CDC42BPA: variants seen among roughly 807,000 people sequenced by gnomAD.
The protein encoded by CDC42BPA is CDC42 binding protein kinase alpha.
In CDC42BPA, 80 loss-of-function variants were observed where a neutral mutation model predicts 223.5. That is an observed-to-expected ratio of 0.36 (90% CI 0.30 to 0.43). The LOEUF (loss-of-function observed/expected upper bound fraction) is 0.43. Ranked by LOEUF, CDC42BPA falls within the 20% of genes least tolerant of loss-of-function variation. The pLI is 1.00. For missense variants in CDC42BPA, 1,743 were observed against 2,099.9 expected (o/e 0.83, Z 3.32); for synonymous variants, 694 against 718.6 (o/e 0.97, Z 0.55).
chr1:226,993,483 A>G lies in CDC42BPA; in HGVS notation c.*785T>C, dbSNP rs1385089501. ...AAACCTGGCTCTGCAAGTGTTTTCT[A>G]CAGCTCCCCAGGTGACTAGAGCCTA... On this transcript the variant is annotated 3_prime_UTR_variant, in exon 37 of 37. Transcript: ENST00000366766. The G allele has an allele frequency of 1.3e-5, 2 of 152,490 alleles. No individual in the cohort carries two copies. The highest frequency in any genetic ancestry group is 2.4e-5 in the African/African-American group (1 of 41,454). 9.4% of individuals were successfully genotyped at this position (152,490 alleles called of 1,614,324 possible).
chr1:227,143,225 TA>T (rs746981192), intron 8 of CDC42BPA, among the ~76,000 whole-genome samples: 6 of 152,228 alleles, frequency 3.9e-5, no homozygotes, highest in Non-Finnish European at 8.8e-5. Flanking sequence ...CTAATTAAAG[TA>T]AAATGAAGAT....
Position 227,227,287 on chromosome 1 carries a change from G to C in CDC42BPA, c.271-14068C>G, listed in dbSNP as rs560727434. ...ATCTAGTAAGGAACGTAAGAAACAA[G>C]TAAAAAGTTTATAAAACTGGCCATC... On this transcript the variant is annotated intron_variant, in intron 2 of 36. Transcript: ENST00000366766. Among the ~76,000 whole-genome samples, 48 of 152,186 alleles carry C rather than the reference G, an allele frequency of 3.2e-4. 1 individual carries two copies. In the East Asian group the frequency reaches 8.7e-3, roughly 27 times the overall value.
chr1:227,047,872 G>T, intron 23 of CDC42BPA, 55 bp downstream of exon 23: 1 of 958,376 alleles, frequency 1.0e-6, no homozygotes, highest in Non-Finnish European at 1.7e-6. Context: ...AATGCATAGA[G>T]CAGATAAAAT....
At chr1:227,220,723 G>A (rs892283870) in intron 2 of CDC42BPA, among the ~76,000 whole-genome samples, 2 of 151,978 alleles carry the variant, frequency 1.3e-5, no homozygotes, top group South Asian at 2.1e-4. Context: ...AGGGCTAACA[G>A]TATCATTTGA....
intron 1 of CDC42BPA, among the ~76,000 whole-genome samples, chr1:227,306,190 T>A (rs1692517558): frequency 6.7e-6 from 1 of 148,204 alleles, no homozygotes; most frequent in African/African-American, 2.5e-5. Context: ...ATGTGTAGAA[T>A]TCACAGTATT....
intron 16 of CDC42BPA, among the ~76,000 whole-genome samples, chr1:227,086,882 A>G (rs1406249237): frequency 6.6e-6 from 1 of 152,066 alleles, no homozygotes; most frequent in African/African-American, 2.4e-5. Context: ...CATATTTCCC[A>G]GATTGGTTTT....
At position 227,199,582 on chromosome 1, in the gene CDC42BPA, T is replaced by C; in HGVS notation, c.425A>G (p.Tyr142Cys). ...TAAGTTATTGTCATCCTGGAAAGCA[T>C]AGTGCAAGGTTGTAATCCATTTATT... ...GDNKWITTLH[Y>C]AFQDDNNLYL... The change falls in exon 4 of 37, where the codon TAT (tyrosine) becomes TGT (cysteine). Residue 142 changes from tyrosine to cysteine, a missense_variant. Transcript: ENST00000366766. 5 of 1,591,482 alleles carry C rather than the reference T, an allele frequency of 3.1e-6. No homozygotes were observed. The highest frequency in any genetic ancestry group is 1.7e-4 in the Middle Eastern group (1 of 6,004).
chr1:227,229,170 G>T (rs1677375275), intron 2 of CDC42BPA, among the ~76,000 whole-genome samples: 4 of 151,962 alleles, frequency 2.6e-5, no homozygotes, highest in Admixed American at 2.6e-4. Context: ...TTATGTCTAT[G>T]ATCTATATTG....
chr1:227,074,453 G>A, intron 17 of CDC42BPA, 89 bp from the exon 18 acceptor site: 1 of 917,542 alleles, frequency 1.1e-6, no homozygotes, highest in East Asian at 2.5e-5. Flanking sequence ...AGAAATAAGT[G>A]GTAGGAAATT....
intron 1 of CDC42BPA, among the ~76,000 whole-genome samples, chr1:227,278,489 G>A (rs1487308322): frequency 6.6e-6 from 1 of 152,170 alleles, no homozygotes; most frequent in Non-Finnish European, 1.5e-5. Flanking sequence ...AGTTAAGGTA[G>A]AACCCCAATG....
chr1:227,180,846 T>C (rs1394301481), intron 5 of CDC42BPA, among the ~76,000 whole-genome samples: 2 of 152,164 alleles, frequency 1.3e-5, no homozygotes, highest in East Asian at 1.9e-4. Flanking sequence ...TTTGAAGTTA[T>C]AGTTCACAAT....
intron 2 of CDC42BPA, among the ~76,000 whole-genome samples, chr1:227,230,823 T>TC: frequency 1.2e-5 from 1 of 81,304 alleles, no homozygotes; most frequent in East Asian, 2.7e-4. Context: ...TTTCTTTCTT[T>TC]TTTTTTTTTT....
intron 21 of CDC42BPA, among the ~76,000 whole-genome samples, chr1:227,057,207 T>C (rs1430991891): frequency 6.6e-6 from 1 of 152,182 alleles, no homozygotes; most frequent in East Asian, 1.9e-4. Context: ...TATTTGGACA[T>C]TAACAATACT....
At chr1:227,133,826 C>T (rs537325902) in intron 10 of CDC42BPA, among the ~76,000 whole-genome samples, 6 of 152,076 alleles carry the variant, frequency 3.9e-5, no homozygotes, top group East Asian at 1.9e-4. Context: ...ACAAACACTG[C>T]GGAAGGCCGC....
chr1:227,139,460 G>T, intron 10 of CDC42BPA, 116 bp downstream of exon 10: 2 of 637,002 alleles, frequency 3.1e-6, no homozygotes, highest in Non-Finnish European at 5.1e-6. Flanking sequence ...TCTACAACTT[G>T]ATTTTTCACC....
Position 227,005,033 on chromosome 1 carries a change from G to A in CDC42BPA, c.4936C>T (p.Pro1646Ser), listed in dbSNP as rs779954841. ...IPSITKSRPEPGRSMSASSGL... is the reference protein window; with the variant it reads ...IPSITKSRPESGRSMSASSGL... ...CTGCTAGCACTCATGGAGCGGCCTG[G>A]CTCAGGGCGGGATTTGGTGATAGAT... The change falls in exon 35 of 37, where the codon CCA (proline) becomes TCA (serine). Residue 1646 changes from proline to serine, a missense_variant. This residue lies in a region of CDC42BPA where 200 missense variants were observed against 192.8 expected (regional missense o/e 1.04). Coordinates refer to ENST00000366766, the MANE Select transcript of CDC42BPA (RefSeq NM_001394014.1). 1.2e-6 allele frequency: 2 copies of A among 1,614,116 alleles called. No homozygotes were observed. The highest frequency in any genetic ancestry group is 2.2e-5 in the East Asian group (1 of 44,878).
intron 17 of CDC42BPA, among the ~76,000 whole-genome samples, chr1:227,078,074 C>T (rs931013920): frequency 2.0e-5 from 3 of 152,132 alleles, no homozygotes; most frequent in African/African-American, 7.2e-5. Flanking sequence ...ACCTAGTATT[C>T]ATGACAACTG....
rs367994807 is a variant in CDC42BPA, at chr1:226,990,542, A to G, written c.*3726T>C. ...GTGCTCACCAGACATGGGCTACGGC[A>G]AAGTCTGCTCTGAGCGCCCCTCTGT... is the stretch of plus-strand genomic sequence containing the variant. On this transcript the variant is annotated 3_prime_UTR_variant, in exon 37 of 37. Transcript: ENST00000366766. 1.3e-5 allele frequency: 2 copies of G among 152,296 alleles called. No individual in the cohort carries two copies. Among genetic ancestry groups the G allele is most frequent in the East Asian group, 1.9e-4 (1 of 5,204 alleles). 9.4% of individuals were successfully genotyped at this position (152,296 alleles called of 1,614,324 possible). A position where few individuals can be genotyped will look rare whatever the true frequency, so the allele number is the denominator to read the frequency against.
At chr1:227,282,353 G>T (rs905279250) in intron 1 of CDC42BPA, among the ~76,000 whole-genome samples, 70 of 152,014 alleles carry the variant, frequency 4.6e-4, no homozygotes, top group African/African-American at 1.6e-3. Flanking sequence ...CACTTCCTAG[G>T]AGTTTAAACC....
Sources: allele counts gnomAD v4.1 joint callset (sites outside exome capture counted in the v4.1 genomes callset), GRCh38; gene constraint gnomAD v4.1.1; regional missense constraint gnomAD v4.1.1; transcripts MANE v1.5; gene names NCBI Gene and HGNC (gene_info 2026-07-23, HGNC 2026-07-21).